The following PMP2 variants were observed in gnomAD, a reference collection of about 807,000 sequenced individuals.
PMP2 encodes the protein peripheral myelin protein 2, also known as myelin P2 protein.
A neutral mutation model predicts 15.9 loss-of-function variants in PMP2; 11 were observed. The observed-to-expected ratio is 0.69, with a 90% CI of 0.44 to 1.14. The LOEUF is 1.14. Ranked by LOEUF, PMP2 falls within the 50% of genes most tolerant of loss-of-function variation. The pLI is 0.00. For missense variants in PMP2, 151 were observed against 154.0 expected, an observed-to-expected ratio of 0.98 and a Z score of 0.10; for synonymous variants, 55 against 54.1, an observed-to-expected ratio of 1.02 and a Z score of -0.07.
In PMP2 at chr8:81,443,220, T is replaced by C. The variant is rs1191340583; in HGVS notation, c.*178A>G. The C allele has an allele frequency of 1.2e-5, 6 of 489,756 alleles. No homozygotes were observed. Among genetic ancestry groups the C allele is most frequent in the South Asian group, 3.8e-5 (1 of 26,072 alleles). The allele number at this position is 489,756 out of a possible 1,614,324, so 30.3% of individuals were successfully genotyped here. A position where few individuals can be genotyped will look rare whatever the true frequency, so the allele number is the denominator to read the frequency against. On this transcript the variant is annotated 3_prime_UTR_variant, in exon 4 of 4. Coordinates refer to ENST00000256103, the MANE Select transcript of PMP2 (RefSeq NM_002677.5). ...GATGTAATAATGACATGCATGCACA[T>C]TGAAAATGTTTAAATAACACTGACT...
chr8:81,440,834 T>C lies in PMP2; in HGVS notation c.*2564A>G, dbSNP rs558979077. 1 of 152,340 alleles carries C rather than the reference T, an allele frequency of 6.6e-6. No individual in the cohort carries two copies. Among genetic ancestry groups the C allele is most frequent in the East Asian group, 1.9e-4 (1 of 5,188 alleles). 9.4% of individuals were successfully genotyped at this position (152,340 alleles called of 1,614,324 possible). On this transcript the variant is annotated 3_prime_UTR_variant, in exon 4 of 4. Transcript: ENST00000256103. ...ATTTTTTGAGAGTAGATTGCATACA[T>C]TATGGCCCTTTACCTCAAAATACTT... is the stretch of plus-strand genomic sequence containing the variant.
At position 81,444,537 on chromosome 8, in the gene PMP2, G is replaced by C; in HGVS notation, c.311C>G (p.Thr104Ser). 1 of 1,613,588 alleles carries C rather than the reference G, an allele frequency of 6.2e-7. No individual in the cohort carries two copies. The highest frequency in any genetic ancestry group is 8.5e-7 in the Non-Finnish European group (1 of 1,179,650). Residue 104 changes from threonine to serine, a missense_variant, in exon 3 of 4, where the codon ACC (threonine) becomes AGC (serine). By Grantham distance (58) the Thr-to-Ser change is moderately conservative. Coordinates refer to ENST00000256103, the MANE Select transcript of PMP2 (RefSeq NM_002677.5). ...QVQRWDGKET[T>S]IKRKLVNGKM... is the part of the protein sequence containing the mutation. ...CCCATTCACTAGCTTTCTCTTTATG[G>C]TTGTCTCTTTGCCATCCCATCTCTG...
rs560780375 is a variant in PMP2, at chr8:81,442,567, T to G, written c.*831A>C. 6.6e-6 allele frequency: 1 copy of G among 152,464 alleles called. No homozygotes were observed. The highest frequency in any genetic ancestry group is 1.5e-5 in the Non-Finnish European group (1 of 67,964). The allele number at this position is 152,464 out of a possible 1,614,324, so 9.4% of individuals were successfully genotyped here. Reference sequence around the variant, plus strand: ...AACAAACTACAGCTGCATGCAACAATGTGGATGTATCACAAAAACATGATG... The same window carrying G: ...AACAAACTACAGCTGCATGCAACAAGGTGGATGTATCACAAAAACATGATG... On this transcript the variant is annotated 3_prime_UTR_variant, in exon 4 of 4. Coordinates refer to ENST00000256103, the MANE Select transcript of PMP2 (RefSeq NM_002677.5).
Position 81,444,866 on chromosome 8 carries a change from T to C in PMP2, c.197A>G (p.Lys66Arg). 6.2e-7 allele frequency: 1 copy of C among 1,613,850 alleles called. No homozygotes were observed. Among genetic ancestry groups the C allele is most frequent in the African/African-American group, 1.3e-5 (1 of 75,036 alleles). ...GGTTTCTTCAAATTCCTGGCCTAGC[T>C]TGAAGGAGATTTCTGTATTTTTAAA... ...STFKNTEISF[K>R]LGQEFEETTA... The change falls in exon 2 of 4, where the codon AAG becomes AGG. Residue 66 changes from lysine (K) to arginine (R), a missense_variant. Transcript: ENST00000256103.
At position 81,441,677 on chromosome 8, in the gene PMP2, AT is replaced by A. The variant is rs559171374; in HGVS notation, c.*1720del. 19 of 150,384 alleles carry A rather than the reference AT, an allele frequency of 1.3e-4. No individual in the cohort carries two copies. In the East Asian group the frequency reaches 3.7e-3, roughly 30 times the overall value. The allele number at this position is 150,384 out of a possible 1,614,324, so 9.3% of individuals were successfully genotyped here. A position where few individuals can be genotyped will look rare whatever the true frequency, so the allele number is the denominator to read the frequency against. On this transcript the variant is annotated 3_prime_UTR_variant, in exon 4 of 4. Transcript: ENST00000256103. The stretch of plus-strand genomic sequence containing the variant: ...CCCAATGGAATTGGGAATTTATTTT[AT>A]TTTTTTCTCAATTATCTTGTTATTT...
In PMP2 at chr8:81,447,294, C is replaced by T. The variant is rs181205557; in HGVS notation, c.73+20G>A. On this transcript the variant is annotated intron_variant, in intron 1 of 3. Transcript: ENST00000256103. ...CTTAAAAAGGAGCTTTTCAGCAGAA[C>T]AACAAAAAGCATTTCTTACCCAGAG... 1 of 1,591,466 alleles carries T rather than the reference C, an allele frequency of 6.3e-7. No homozygotes were observed. The highest frequency in any genetic ancestry group is 8.6e-7 in the Non-Finnish European group (1 of 1,159,326).
At chr8:81,447,260 T>C in intron 1 of PMP2, 54 bp downstream of exon 1, 21 of 1,353,400 alleles carry the variant, frequency 1.6e-5, no homozygotes, top group Non-Finnish European at 2.2e-5. Flanking sequence ...GAAAATGTCA[T>C]GTAGCTTTCT....
At chr8:81,446,179 T>C (rs1288847039) in intron 1 of PMP2, among the ~76,000 whole-genome samples, 1 of 152,236 alleles carries the variant, frequency 6.6e-6, no homozygotes, top group African/African-American at 2.4e-5. Flanking sequence ...TTTGTTATTT[T>C]ATACAGTTTA....
At chr8:81,445,127 C>A in intron 1 of PMP2, 138 bp from the exon 2 acceptor site, 1 of 583,074 alleles carries the variant, frequency 1.7e-6, no homozygotes, top group Non-Finnish European at 3.0e-6. Context: ...AGCATCTCCT[C>A]CCATGTTTCA....
At chr8:81,446,015 A>G (rs1807444303) in intron 1 of PMP2, among the ~76,000 whole-genome samples, 1 of 152,230 alleles carries the variant, frequency 6.6e-6, no homozygotes, top group Non-Finnish European at 1.5e-5. Flanking sequence ...AATAAAAAAT[A>G]TATGAAAGAA....
At chr8:81,445,028 A>G in intron 1 of PMP2, 39 bp from the exon 2 acceptor site, 2 of 1,576,488 alleles carry the variant, frequency 1.3e-6, no homozygotes, top group Non-Finnish European at 1.7e-6. Flanking sequence ...GTTGACCAAG[A>G]GAGCATAGCC....
rs185521419 is a variant in PMP2 at position 81,442,259 on chromosome 8, T to C, written c.*1139A>G. 2.0e-5 allele frequency: 3 copies of C among 152,664 alleles called. No homozygotes were observed. Among genetic ancestry groups the C allele is most frequent in the Admixed American group, 1.3e-4 (2 of 15,276 alleles). 9.5% of individuals were successfully genotyped at this position (152,664 alleles called of 1,614,324 possible). A position where few individuals can be genotyped will look rare whatever the true frequency, so the allele number is the denominator to read the frequency against. On this transcript the variant is annotated 3_prime_UTR_variant, in exon 4 of 4. Coordinates refer to ENST00000256103, the MANE Select transcript of PMP2 (RefSeq NM_002677.5). ...CCATCAACATCAACATGTTTTCTCA[T>C]TTGCTCAATCATATAATACATCTGA... is the stretch of plus-strand genomic sequence containing the variant.
intron 1 of PMP2, among the ~76,000 whole-genome samples, chr8:81,445,606 T>A (rs1469464349): frequency 1.3e-5 from 2 of 152,138 alleles, no homozygotes; most frequent in Admixed American, 1.3e-4. Context: ...CCAATCCTAT[T>A]CCCCATTGAA....
rs376866513 is a variant in PMP2, at chr8:81,444,621, C to A, written c.247-20G>T. The A allele has an allele frequency of 2.9e-4, 464 of 1,586,258 alleles. No individual in the cohort carries two copies. Among genetic ancestry groups the A allele is most frequent in the Non-Finnish European group, 3.9e-4 (450 of 1,160,554 alleles). ...GATGCTCTGCAAAGACAAGGTCATG[C>A]AATTGACTTGCCTGAAATTTGTTGA... On this transcript the variant is annotated intron_variant, in intron 2 of 3. Coordinates refer to ENST00000256103, the MANE Select transcript of PMP2 (RefSeq NM_002677.5).
At position 81,443,427 on chromosome 8, in the gene PMP2, C is replaced by T. The variant is rs1388798508; in HGVS notation, c.370G>A (p.Val124Met). The T allele has an allele frequency of 3.1e-6, 5 of 1,600,472 alleles. No homozygotes were observed. Among genetic ancestry groups the T allele is most frequent in the South Asian group, 1.1e-5 (1 of 88,328 alleles). The change falls in exon 4 of 4, where the codon GTG becomes ATG. Residue 124 changes from valine to methionine, a missense_variant. Val to Met is a conservative substitution (Grantham distance 21). Coordinates refer to ENST00000256103, the MANE Select transcript of PMP2 (RefSeq NM_002677.5). ...MVAECKMKGV[V>M]CTRIYEKV is the part of the protein sequence containing the mutation. ...ACCTTCTCATAGATTCTGGTGCACA[C>T]CACGCCCTTCATTTTACATTCCTTA...
In PMP2 at chr8:81,442,249, T is replaced by C. The variant is rs1310393424; in HGVS notation, c.*1149A>G. The C allele has an allele frequency of 3.3e-5, 5 of 152,536 alleles. No homozygotes were observed. In the East Asian group the frequency reaches 9.6e-4, roughly 29 times the overall value. The allele number at this position is 152,536 out of a possible 1,614,324, so 9.4% of individuals were successfully genotyped here. Reference sequence around the variant, plus strand: ...ATCCTGACTCCCATCAACATCAACATGTTTTCTCATTTGCTCAATCATATA... The same window carrying C: ...ATCCTGACTCCCATCAACATCAACACGTTTTCTCATTTGCTCAATCATATA... On this transcript the variant is annotated 3_prime_UTR_variant, in exon 4 of 4. Transcript: ENST00000256103.
rs1020776357 is a variant in PMP2 at position 81,443,599 on chromosome 8, T to A, written c.349-151A>T. The A allele has an allele frequency of 5.9e-5, 30 of 507,030 alleles. 1 individual carries two copies. The highest frequency in any genetic ancestry group is 4.9e-4 in the Middle Eastern group (1 of 2,028). 31.4% of individuals were successfully genotyped at this position (507,030 alleles called of 1,614,324 possible). ...GTCAGTCTCCAGTAATTCAGAATTATGACCATTGAAATAGAAGAAACAATT... is the reference window on the plus strand; with the variant it reads ...GTCAGTCTCCAGTAATTCAGAATTAAGACCATTGAAATAGAAGAAACAATT... On this transcript the variant is annotated intron_variant, in intron 3 of 3. Transcript: ENST00000256103.
intron 3 of PMP2, among the ~76,000 whole-genome samples, chr8:81,443,844 A>G (rs1807397918): frequency 6.6e-6 from 1 of 152,170 alleles, no homozygotes; most frequent in Non-Finnish European, 1.5e-5. Context: ...TTACTCCCCA[A>G]GTAAATCTGT....
Position 81,441,490 on chromosome 8 carries a change from T to C in PMP2, c.*1908A>G, listed in dbSNP as rs1186233320. On this transcript the variant is annotated 3_prime_UTR_variant, in exon 4 of 4. Coordinates refer to ENST00000256103, the MANE Select transcript of PMP2 (RefSeq NM_002677.5). ...TCACATTTAACACTGGTCCATGACGTTCTATTGCAAAAGAGAAACCTTCTC... is the reference window on the plus strand; with the variant it reads ...TCACATTTAACACTGGTCCATGACGCTCTATTGCAAAAGAGAAACCTTCTC... The C allele has an allele frequency of 6.6e-6, 1 of 152,038 alleles. No individual in the cohort carries two copies. The highest frequency in any genetic ancestry group is 1.5e-5 in the Non-Finnish European group (1 of 67,952). The allele number at this position is 152,038 out of a possible 1,614,324, so 9.4% of individuals were successfully genotyped here.
Sources: allele counts gnomAD v4.1 joint callset (sites outside exome capture counted in the v4.1 genomes callset), GRCh38; gene constraint gnomAD v4.1.1; transcripts MANE v1.5; gene names NCBI Gene and HGNC (gene_info 2026-07-23, HGNC 2026-07-21).